The following PCDH9 variants were observed in gnomAD, a reference collection of about 807,000 sequenced individuals.
PCDH9 encodes the protein protocadherin-9.
In PCDH9, 24 loss-of-function variants were observed where a neutral mutation model predicts 70.6. That is an observed-to-expected ratio of 0.34 (90% CI 0.25 to 0.48). PCDH9 has a LOEUF of 0.48. Among genes scored for constraint, PCDH9 ranks in the 20% least tolerant of loss-of-function variants. The pLI is 0.99. For missense variants in PCDH9, 1,281 were observed against 1,503.6 expected (o/e 0.85, Z 2.45); for synonymous variants, 562 against 558.5 (o/e 1.01, Z -0.09).
Position 67,114,839 on chromosome 13 carries a change from A to G in PCDH9, c.3036+110566T>C, listed in dbSNP as rs537285856. ...AAAACAAAAGGAGAATATTGCCTGGATATTTTTTCCTTTGTATCTGATTAG... is the reference window on the plus strand; with the variant it reads ...AAAACAAAAGGAGAATATTGCCTGGGTATTTTTTCCTTTGTATCTGATTAG... On this transcript the variant is annotated intron_variant, in intron 2 of 4. Transcript: ENST00000377865. 2.6e-3 allele frequency among the ~76,000 whole-genome samples: 399 copies of G among 152,298 alleles called. 3 individuals carry two copies. The highest frequency in any genetic ancestry group is 9.0e-3 in the African/African-American group (375 of 41,558).
At chr13:67,101,026 G>T (rs2086422073) in intron 2 of PCDH9, among the ~76,000 whole-genome samples, 1 of 152,150 alleles carries the variant, frequency 6.6e-6, no homozygotes, top group African/African-American at 2.4e-5. Context: ...CACTAGTCTG[G>T]AGAAGCACTG....
intron 3 of PCDH9, among the ~76,000 whole-genome samples, chr13:66,661,249 T>C (rs2078004706): frequency 6.6e-6 from 1 of 152,186 alleles, no homozygotes; most frequent in African/African-American, 2.4e-5. Flanking sequence ...TTGTTGGAAC[T>C]GAAGAATTGA....
At chr13:66,628,881 A>C (rs1479351038) in intron 4 of PCDH9, among the ~76,000 whole-genome samples, 1 of 152,212 alleles carries the variant, frequency 6.6e-6, no homozygotes, top group Non-Finnish European at 1.5e-5. Context: ...AAAGACAAAA[A>C]ATTCTATGAC....
intron 3 of PCDH9, among the ~76,000 whole-genome samples, chr13:66,887,132 C>CT (rs111717667): frequency 5.7e-4 from 82 of 144,542 alleles, no homozygotes; most frequent in South Asian, 5.0e-3. Flanking sequence ...CTAGCAATGC[C>CT]TTTTTTTTTT....
chr13:66,387,753 T>A (rs1006735464), intron 4 of PCDH9, among the ~76,000 whole-genome samples: 25 of 152,002 alleles, frequency 1.6e-4, no homozygotes, highest in African/African-American at 5.8e-4. Flanking sequence ...GATATTCCTA[T>A]ATAGCAACAT....
At chr13:66,977,337 G>C (rs576143766) in intron 2 of PCDH9, 1 of 152,090 alleles carries the variant, frequency 6.6e-6, no homozygotes, top group South Asian at 2.1e-4. Context: ...CTGAATCATA[G>C]GCTGTACTAT....
chr13:66,837,849 G>A (rs956415798), intron 3 of PCDH9, among the ~76,000 whole-genome samples: 3 of 152,092 alleles, frequency 2.0e-5, no homozygotes, highest in Non-Finnish European at 4.4e-5. Flanking sequence ...AGAGTTTCAG[G>A]ACACAACTGC....
chr13:67,026,698 T>A (rs2139873417), intron 2 of PCDH9, among the ~76,000 whole-genome samples: 1 of 152,170 alleles, frequency 6.6e-6, no homozygotes, highest in East Asian at 1.9e-4. Flanking sequence ...CTTAAGCTGA[T>A]CAGCAACTTC....
At chr13:67,141,546 T>A (rs1462916600) in intron 2 of PCDH9, among the ~76,000 whole-genome samples, 1 of 152,072 alleles carries the variant, frequency 6.6e-6, no homozygotes, top group East Asian at 1.9e-4. Flanking sequence ...GTTCAAGTGA[T>A]TCTCCTGCCT....
rs914610118 is a variant in PCDH9 at position 66,667,019 on chromosome 13, T to C, written c.3139-35608A>G. Among the ~76,000 whole-genome samples the C allele has an allele frequency of 5.3e-5, 8 of 152,254 alleles. No individual in the cohort carries two copies. The South Asian group carries it at 8.3e-4, about 16-fold the overall frequency. Reference sequence around the variant, plus strand: ...TGTAATGGTAGCCTTAGATTTGAAATAGAAATAATTTTTTAGGGACATCAA... The same window carrying C: ...TGTAATGGTAGCCTTAGATTTGAAACAGAAATAATTTTTTAGGGACATCAA... On this transcript the variant is annotated intron_variant, in intron 3 of 4. Coordinates refer to ENST00000377865, the MANE Select transcript of PCDH9 (RefSeq NM_203487.3).
At chr13:66,549,968 A>G (rs964568439) in intron 4 of PCDH9, among the ~76,000 whole-genome samples, 3 of 152,166 alleles carry the variant, frequency 2.0e-5, no homozygotes, top group African/African-American at 7.2e-5. Context: ...ACAAACTTGT[A>G]TCAACATTAA....
chr13:66,405,614 T>G (rs1957267565), intron 4 of PCDH9, among the ~76,000 whole-genome samples: 1 of 152,180 alleles, frequency 6.6e-6, no homozygotes, highest in Non-Finnish European at 1.5e-5. Context: ...GTTATTACAT[T>G]GCTACAGAGG....
chr13:66,723,662 G>A (rs1219654495), intron 3 of PCDH9, among the ~76,000 whole-genome samples: 1 of 152,078 alleles, frequency 6.6e-6, no homozygotes, highest in Non-Finnish European at 1.5e-5. Flanking sequence ...AGAGGACAAG[G>A]AAGCAAGTCA....
At chr13:66,438,090 T>C (rs919733555) in intron 4 of PCDH9, among the ~76,000 whole-genome samples, 1 of 151,938 alleles carries the variant, frequency 6.6e-6, no homozygotes, top group African/African-American at 2.4e-5. Context: ...AAAAATTAGC[T>C]GAGTGTGATG....
At chr13:66,982,108 C>A (rs2083784615) in intron 2 of PCDH9, among the ~76,000 whole-genome samples, 1 of 152,048 alleles carries the variant, frequency 6.6e-6, no homozygotes, top group East Asian at 1.9e-4. Flanking sequence ...AGGCATGTGG[C>A]ACCCCTGCCC....
chr13:67,174,252 TATAG>T (rs367797623), intron 2 of PCDH9, among the ~76,000 whole-genome samples: 161 of 151,468 alleles, frequency 1.1e-3, no homozygotes, highest in Middle Eastern at 3.4e-3. Context: ...ATAGGCAGAC[TATAG>T]ATAGATAGAT....
intron 2 of PCDH9, among the ~76,000 whole-genome samples, chr13:67,076,495 A>G (rs993097970): frequency 3.3e-5 from 5 of 152,160 alleles, no homozygotes; most frequent in African/African-American, 9.6e-5. Context: ...TTTGCAAAAA[A>G]TAAGTGTCAC....
At chr13:66,635,047 C>T (rs956383575) in intron 3 of PCDH9, among the ~76,000 whole-genome samples, 2 of 152,098 alleles carry the variant, frequency 1.3e-5, no homozygotes, top group South Asian at 4.1e-4. Flanking sequence ...TTACTGCCTC[C>T]AAAAATTTTG....
chr13:67,223,139 C>G (rs1044683425), intron 2 of PCDH9: 1 of 152,100 alleles, frequency 6.6e-6, no homozygotes, highest in African/African-American at 2.4e-5. Flanking sequence ...GACACATGGT[C>G]ACAAGAAATT....
Sources: allele counts gnomAD v4.1 joint callset (sites outside exome capture counted in the v4.1 genomes callset), GRCh38; gene constraint gnomAD v4.1.1; transcripts MANE v1.5; gene names NCBI Gene and HGNC (gene_info 2026-07-23, HGNC 2026-07-21).